Variants in SNTG2 observed in about 807,000 individuals in gnomAD.
The protein encoded by SNTG2 is syntrophin gamma 2, also known as gamma-2-syntrophin.
A neutral mutation model predicts 70.9 loss-of-function variants in SNTG2; 74 were observed. That is an observed-to-expected ratio of 1.04 (90% CI 0.86 to 1.27). The LOEUF is 1.27. SNTG2 is among the 50% of genes most tolerant of loss of function. SNTG2 has a pLI of 0.00. For missense variants in SNTG2, 717 were observed against 690.7 expected, an observed-to-expected ratio of 1.04 and a Z score of -0.43; for synonymous variants, 278 against 273.8, an observed-to-expected ratio of 1.02 and a Z score of -0.15.
intron 6 of SNTG2, among the ~76,000 whole-genome samples, chr2:1,161,822 C>G (rs1203282983): frequency 6.6e-6 from 1 of 152,130 alleles, no homozygotes; most frequent in Non-Finnish European, 1.5e-5. Context: ...CGCCTGTAAT[C>G]CCAGCAGTTT....
intron 16 of SNTG2, among the ~76,000 whole-genome samples, chr2:1,366,930 C>T (rs1011132344): frequency 1.3e-5 from 2 of 152,242 alleles, no homozygotes; most frequent in Non-Finnish European, 2.9e-5. Context: ...TCACACAGCA[C>T]AGGGGTCTGC....
At chr2:1,179,675 G>A (rs1178190901) in intron 8 of SNTG2, among the ~76,000 whole-genome samples, 1 of 151,570 alleles carries the variant, frequency 6.6e-6, no homozygotes, top group African/African-American at 2.4e-5. Context: ...CCATCCCCAT[G>A]AAGCTACCAA....
chr2:1,059,292 G>A (rs1290270331), intron 1 of SNTG2: 2 of 152,022 alleles, frequency 1.3e-5, no homozygotes, highest in South Asian at 4.1e-4. Flanking sequence ...AGGAATGTAG[G>A]AGTTTCCTGG....
chr2:1,113,198 G>A (rs372679110), intron 4 of SNTG2, among the ~76,000 whole-genome samples: 1,145 of 68,208 alleles, frequency 0.017, 14 homozygotes, highest in African/African-American at 0.028. Context: ...CTTTGAGAAG[G>A]ATCGTGTGTA....
chr2:1,328,844 TAC>T (rs1049546199), intron 16 of SNTG2, among the ~76,000 whole-genome samples: 5 of 151,148 alleles, frequency 3.3e-5, no homozygotes, highest in African/African-American at 9.7e-5. Context: ...CACATACACA[TAC>T]ACACACAGAT....
chr2:1,231,771 A>G (rs1228916622), intron 9 of SNTG2, among the ~76,000 whole-genome samples: 1 of 152,198 alleles, frequency 6.6e-6, no homozygotes, highest in African/African-American at 2.4e-5. Context: ...CCTTCCCGTG[A>G]CAAACCCAGG....
chr2:954,533 T>C (rs142755811), intron 1 of SNTG2, among the ~76,000 whole-genome samples: 1 of 152,340 alleles, frequency 6.6e-6, no homozygotes, highest in Non-Finnish European at 1.5e-5. Flanking sequence ...GACTGTAGTT[T>C]TGAATAGTCG....
chr2:1,171,821 C>T lies in SNTG2; in HGVS notation c.500-1271C>T, dbSNP rs1188542926. On this transcript the variant is annotated intron_variant, in intron 7 of 16. Coordinates refer to ENST00000308624, the MANE Select transcript of SNTG2 (RefSeq NM_018968.4). ...TATACAGCTGGACAAAGGGTAACAG[C>T]GAGCCATGGTAACTCGCTGAACGTT... Among the ~76,000 whole-genome samples, 9 of 152,108 alleles carry T rather than the reference C, an allele frequency of 5.9e-5. No homozygotes were observed. The East Asian group carries it at 1.3e-3, about 23-fold the overall frequency.
intron 16 of SNTG2, among the ~76,000 whole-genome samples, chr2:1,355,389 C>G (rs1482590064): frequency 6.6e-6 from 1 of 152,192 alleles, no homozygotes; most frequent in Non-Finnish European, 1.5e-5. Flanking sequence ...ATGCTACTCC[C>G]CCTTCTGAGA....
At chr2:1,243,979 G>T (rs543219102) in intron 11 of SNTG2, among the ~76,000 whole-genome samples, 1 of 152,258 alleles carries the variant, frequency 6.6e-6, no homozygotes, top group South Asian at 2.1e-4. Flanking sequence ...TGAGCCAAGA[G>T]CGTGCCACTG....
At chr2:1,068,289 G>T (rs1017815165) in intron 1 of SNTG2, 2 of 152,068 alleles carry the variant, frequency 1.3e-5, no homozygotes, top group African/African-American at 4.8e-5. Flanking sequence ...GAAAGTCGAG[G>T]TTCAAGCAGA....
At chr2:1,062,917 C>T (rs1295016923) in intron 1 of SNTG2, among the ~76,000 whole-genome samples, 1 of 152,064 alleles carries the variant, frequency 6.6e-6, no homozygotes, top group African/African-American at 2.4e-5. Context: ...TACATACATA[C>T]ACACACAGCT....
At chr2:1,350,089 G>A (rs1471464699) in intron 16 of SNTG2, among the ~76,000 whole-genome samples, 2 of 152,126 alleles carry the variant, frequency 1.3e-5, no homozygotes, top group East Asian at 3.9e-4. Flanking sequence ...AAATCGGATG[G>A]CCTCAGTCTC....
At chr2:1,267,200 C>T (rs142345937) in intron 13 of SNTG2, among the ~76,000 whole-genome samples, 165 bp from the exon 14 acceptor site, 1 of 152,326 alleles carries the variant, frequency 6.6e-6, no homozygotes, top group Non-Finnish European at 1.5e-5. Flanking sequence ...ACTTCCGCAC[C>T]AGCTGTGCAT....
intron 8 of SNTG2, among the ~76,000 whole-genome samples, chr2:1,198,613 T>A (rs1673076074): frequency 6.6e-6 from 1 of 151,940 alleles, no homozygotes; most frequent in Non-Finnish European, 1.5e-5. Flanking sequence ...CAAAGATTAA[T>A]AAAAGTTTTT....
intron 6 of SNTG2, among the ~76,000 whole-genome samples, chr2:1,165,023 G>A (rs1432667630): frequency 6.6e-6 from 1 of 152,226 alleles, no homozygotes; most frequent in Non-Finnish European, 1.5e-5. Context: ...GTAGGGGATT[G>A]TATGTGAGGT....
At chr2:1,045,802 T>A (rs1177989957) in intron 1 of SNTG2, among the ~76,000 whole-genome samples, 1 of 152,166 alleles carries the variant, frequency 6.6e-6, no homozygotes, top group African/African-American at 2.4e-5. Context: ...GCTGAGCATG[T>A]GGTTAATTTT....
At chr2:1,279,887 T>C (rs1165256475) in intron 14 of SNTG2, among the ~76,000 whole-genome samples, 1 of 152,244 alleles carries the variant, frequency 6.6e-6, no homozygotes, top group Non-Finnish European at 1.5e-5. Flanking sequence ...TTTTTAAAAT[T>C]CATAAGTGGC....
chr2:1,192,989 A>G (rs1332332352), intron 8 of SNTG2, among the ~76,000 whole-genome samples: 3 of 152,210 alleles, frequency 2.0e-5, no homozygotes, highest in Non-Finnish European at 2.9e-5. Flanking sequence ...CAGCTAGTCC[A>G]TGTGAAAGGC....
Sources: allele counts gnomAD v4.1 joint callset (sites outside exome capture counted in the v4.1 genomes callset), GRCh38; gene constraint gnomAD v4.1.1; transcripts MANE v1.5; gene names NCBI Gene and HGNC (gene_info 2026-07-23, HGNC 2026-07-21).